CELSR1: variants seen among roughly 807,000 people sequenced by gnomAD.
CELSR1 encodes cadherin EGF LAG seven-pass G-type receptor 1.
In CELSR1, 110 loss-of-function variants were observed where a neutral mutation model predicts 249.1. The ratio of observed to expected loss-of-function variants is 0.44; its 90% CI spans 0.38 to 0.52. CELSR1 has a LOEUF of 0.52. Among genes scored for constraint, CELSR1 ranks in the 20% least tolerant of loss-of-function variants. The pLI, the probability that CELSR1 is intolerant of heterozygous loss-of-function variation, is 0.00. For synonymous variants in CELSR1, 2,113 were observed against 1,900.0 expected (o/e 1.11, Z -2.92); for missense variants, 4,109 against 4,296.4 (o/e 0.96, Z 1.22).
rs141682065 is a variant in CELSR1 at position 46,466,730 on chromosome 22, A to C, written c.3545-2385T>G. Among the ~76,000 whole-genome samples the C allele has an allele frequency of 7.0e-3, 1,065 of 152,260 alleles. 8 individuals are homozygous for C. The highest frequency in any genetic ancestry group is 0.014 in the Middle Eastern group (4 of 294). ...TCATCAACTTAAAACATTAAACCTCACTGCCCGGCATATAAGATATTAATG... is the reference window on the plus strand; with the variant it reads ...TCATCAACTTAAAACATTAAACCTCCCTGCCCGGCATATAAGATATTAATG... On this transcript the variant is annotated intron_variant, in intron 1 of 34. Coordinates refer to ENST00000674500, the MANE Select transcript of CELSR1 (RefSeq NM_001378328.1).
At chr22:46,503,003 G>A (rs997752447) in intron 1 of CELSR1, among the ~76,000 whole-genome samples, 1 of 152,198 alleles carries the variant, frequency 6.6e-6, no homozygotes, top group African/African-American at 2.4e-5. Context: ...CGAGTTGGAA[G>A]TGCCCACTCC....
At position 46,447,555 on chromosome 22, in the gene CELSR1, C is replaced by G. The variant is rs2079834153; in HGVS notation, c.4184-8144G>C. ...GGGCAAACCTATTGCTGTGCTCACTCACGCATGCAGCCTGCCAAAAGCTCC... is the reference window on the plus strand; with the variant it reads ...GGGCAAACCTATTGCTGTGCTCACTGACGCATGCAGCCTGCCAAAAGCTCC... On this transcript the variant is annotated intron_variant, in intron 2 of 34. Coordinates refer to ENST00000674500, the MANE Select transcript of CELSR1 (RefSeq NM_001378328.1). The surrounding 1 kb of genome is among the most constrained non-coding windows in gnomAD (Gnocchi z 4.7). 2.0e-5 allele frequency among the ~76,000 whole-genome samples: 3 copies of G among 152,194 alleles called. No homozygotes were observed. The highest frequency in any genetic ancestry group is 4.4e-5 in the Non-Finnish European group (3 of 68,036).
Position 46,534,889 on chromosome 22 carries a change from GC to G in CELSR1, c.2281del (p.Ala761ArgfsTer2). ...CCGTGTGCCGTCGGATGCTGTCACC[GC>G]CAGCACGTACTGCTGCTCCTGCTTG... ...DYKQEQQYVL[A>X]VTASDGTRSH... On this transcript the variant is annotated frameshift_variant, in exon 1 of 35. Transcript: ENST00000674500. LOFTEE classifies it high-confidence loss of function. This position sits in a 1 kb window ranked among gnomAD's most constrained non-coding sequence, Gnocchi z 9.7. The G allele has an allele frequency of 1.2e-6, 2 of 1,612,442 alleles. No homozygotes were observed. The highest frequency in any genetic ancestry group is 1.7e-6 in the Non-Finnish European group (2 of 1,180,000).
At position 46,518,896 on chromosome 22, in the gene CELSR1, G is replaced by C. The variant is rs541174850; in HGVS notation, c.3544+14731C>G. The stretch of plus-strand genomic sequence containing the variant: ...AAAAATACAAAAATTAGCTGGACGT[G>C]GTGGCGCATGCCTGTAATCCCAGCT... On this transcript the variant is annotated intron_variant, in intron 1 of 34. Transcript: ENST00000674500. This position sits in a 1 kb window ranked among gnomAD's most constrained non-coding sequence, Gnocchi z 5.2. 1.1e-4 allele frequency among the ~76,000 whole-genome samples: 17 copies of C among 152,292 alleles called. No individual in the cohort carries two copies. The highest frequency in any genetic ancestry group is 3.9e-4 in the African/African-American group (16 of 41,556).
chr22:46,397,967 T>A, intron 11 of CELSR1, 119 bp from the exon 12 acceptor site: 1 of 885,002 alleles, frequency 1.1e-6, no homozygotes, highest in Non-Finnish European at 1.6e-6. Context: ...CTCATTTATC[T>A]ACAGAGCTGG....
At chr22:46,474,991 G>A (rs1239389237) in intron 1 of CELSR1, among the ~76,000 whole-genome samples, 2 of 152,012 alleles carry the variant, frequency 1.3e-5, no homozygotes, top group Non-Finnish European at 2.9e-5. Context: ...GGCAAATGAG[G>A]AGCGTGTTAA....
rs758548240 is a variant in CELSR1, at chr22:46,402,099, A to T, written c.5227-2197T>A. ...CGAGACTCCATCTCAAAAACACACA[A>T]ACAAAAAAGTCTGTGACTGCATTCA... On this transcript the variant is annotated intron_variant, in intron 9 of 34. Transcript: ENST00000674500. The surrounding 1 kb of genome is among the most constrained non-coding windows in gnomAD (Gnocchi z 5.0). Among the ~76,000 whole-genome samples the T allele has an allele frequency of 6.6e-6, 1 of 152,102 alleles. No homozygotes were observed. Among genetic ancestry groups the T allele is most frequent in the Non-Finnish European group, 1.5e-5 (1 of 68,016 alleles).
In CELSR1 at chr22:46,401,056, T is replaced by C. The variant is rs2079206230; in HGVS notation, c.5227-1154A>G. 6.6e-6 allele frequency among the ~76,000 whole-genome samples: 1 copy of C among 152,112 alleles called. No homozygotes were observed. The highest frequency in any genetic ancestry group is 1.9e-4 in the East Asian group (1 of 5,184). On this transcript the variant is annotated intron_variant, in intron 9 of 34. Coordinates refer to ENST00000674500, the MANE Select transcript of CELSR1 (RefSeq NM_001378328.1). This position sits in a 1 kb window ranked among gnomAD's most constrained non-coding sequence, Gnocchi z 4.7. ...ACGGGAAAAAGGATCAATCGCTTCATGGAGGTCAAGTAAGGGAAGCGCCAA... is the reference window on the plus strand; with the variant it reads ...ACGGGAAAAAGGATCAATCGCTTCACGGAGGTCAAGTAAGGGAAGCGCCAA...
At chr22:46,371,692 ACT>A (rs2078852904) in intron 25 of CELSR1, among the ~76,000 whole-genome samples, 1 of 143,940 alleles carries the variant, frequency 6.9e-6, no homozygotes, top group South Asian at 2.2e-4. Flanking sequence ...ATTCATATCC[ACT>A]GACTTATCCC....
intron 18 of CELSR1, among the ~76,000 whole-genome samples, chr22:46,386,897 G>A (rs2079039956): frequency 6.6e-6 from 1 of 152,016 alleles, no homozygotes; most frequent in South Asian, 2.1e-4. Flanking sequence ...GGGATTACAG[G>A]CACACATGTG....
At chr22:46,515,430 A>G (rs1226541047) in intron 1 of CELSR1, among the ~76,000 whole-genome samples, 4 of 152,234 alleles carry the variant, frequency 2.6e-5, no homozygotes, top group Non-Finnish European at 5.9e-5. Context: ...AAAGGGAAAG[A>G]GGCTCACCTT....
intron 23 of CELSR1, 35 bp downstream of exon 23, chr22:46,378,556 C>T (rs980819418): frequency 6.5e-7 from 1 of 1,541,374 alleles, no homozygotes; most frequent in Non-Finnish European, 8.8e-7. Context: ...TGGCGGTAGG[C>T]CCAGAGGGCA....
At chr22:46,420,439 C>T (rs988606169) in intron 5 of CELSR1, among the ~76,000 whole-genome samples, 12 of 152,170 alleles carry the variant, frequency 7.9e-5, no homozygotes, top group African/African-American at 2.9e-4. Context: ...CACACCCACA[C>T]ACATGCATAC....
intron 19 of CELSR1, 131 bp downstream of exon 19, chr22:46,386,271 C>T: frequency 6.6e-6 from 7 of 1,065,178 alleles, no homozygotes; most frequent in Non-Finnish European, 9.1e-6. Flanking sequence ...TGCCCGGCCT[C>T]ACAATCATTT....
At position 46,391,207 on chromosome 22, in the gene CELSR1, G is replaced by A. The variant is rs1323725620; in HGVS notation, c.6229C>T (p.Pro2077Ser). 9 of 1,613,100 alleles carry A rather than the reference G, an allele frequency of 5.6e-6. No individual in the cohort carries two copies. The African/African-American group carries it at 1.2e-4, about 22-fold the overall frequency. ...TCACCAACGGATCCCTTAGGGCATG[G>A]CACCGCAGCCGGCTGCCCGAACTTG... ...QTKFGQPAAV[P>S]CPKGSVGNAV... The change falls in exon 16 of 35, where the codon CCA becomes TCA. Residue 2077 changes from proline to serine, a missense_variant. By Grantham distance (74) the Pro-to-Ser change is moderately conservative. Around this residue, in one of 7 missense-constraint regions of CELSR1, gnomAD observed 1,805 missense variants for 1,831.6 expected, o/e 0.99. Transcript: ENST00000674500. This position sits in a 1 kb window ranked among gnomAD's most constrained non-coding sequence, Gnocchi z 4.3.
intron 1 of CELSR1, among the ~76,000 whole-genome samples, chr22:46,477,884 GT>G (rs1480177871): frequency 1.1e-4 from 16 of 152,172 alleles, no homozygotes; most frequent in African/African-American, 3.9e-4. Flanking sequence ...TGGCAGCACT[GT>G]GGACTCTCGT....
intron 5 of CELSR1, among the ~76,000 whole-genome samples, chr22:46,421,603 C>T (rs192900540): frequency 3.3e-5 from 5 of 152,366 alleles, no homozygotes; most frequent in Admixed American, 2.0e-4. Flanking sequence ...CCTGCCACAG[C>T]GCCTGCAAGC....
intron 1 of CELSR1, among the ~76,000 whole-genome samples, chr22:46,525,174 C>T (rs970908575): frequency 6.6e-6 from 1 of 152,166 alleles, no homozygotes; most frequent in Non-Finnish European, 1.5e-5. Context: ...TACGGCTGGG[C>T]GTGGTGGCTC....
intron 5 of CELSR1, among the ~76,000 whole-genome samples, chr22:46,414,510 A>G (rs1168483056): frequency 6.6e-6 from 1 of 151,892 alleles, no homozygotes; most frequent in Non-Finnish European, 1.5e-5. Flanking sequence ...CCTCTCGGCG[A>G]GTGTGGGTTT....
Sources: gnomAD v4.1 joint callset for allele counts (sites outside exome capture counted in the v4.1 genomes callset) on GRCh38, gnomAD v4.1.1 for gene constraint, gnomAD v4.1.1 regional missense constraint, Gnocchi (gnomAD v3.1) non-coding constraint, MANE v1.5 for transcripts, NCBI Gene and HGNC (gene_info 2026-07-23, HGNC 2026-07-21) for gene names.